Variants in CPQ observed in about 807,000 individuals in gnomAD.
CPQ encodes the protein carboxypeptidase Q.
CPQ carries 37 observed loss-of-function variants against 45.7 expected under a neutral mutation model. The ratio of observed to expected loss-of-function variants is 0.81; its 90% CI spans 0.62 to 1.07. The LOEUF (loss-of-function observed/expected upper bound fraction) is 1.07, where lower values mean the gene tolerates loss of function less well. CPQ is among the 50% of genes least tolerant of loss of function. CPQ has a pLI of 0.00. For missense variants in CPQ, 537 were observed against 572.9 expected (o/e 0.94, Z 0.64); for synonymous variants, 186 against 205.8 (o/e 0.90, Z 0.82).
In CPQ at chr8:96,740,411, G is replaced by A. The variant is rs572404102; in HGVS notation, c.-34-44453G>A. ...TATACAATCATGTCATCTGCAAACAGGGACAATTTGACTTCCTCTTTTCCT... is the reference window on the plus strand; with the variant it reads ...TATACAATCATGTCATCTGCAAACAAGGACAATTTGACTTCCTCTTTTCCT... On this transcript the variant is annotated intron_variant, in intron 1 of 7. Coordinates refer to ENST00000220763, the MANE Select transcript of CPQ (RefSeq NM_016134.4). Among the ~76,000 whole-genome samples the A allele has an allele frequency of 4.8e-3, 729 of 152,122 alleles. 5 individuals carry two copies. The highest frequency in any genetic ancestry group is 0.016 in the African/African-American group (676 of 41,470).
At chr8:96,805,562 A>G (rs1408576678) in intron 2 of CPQ, among the ~76,000 whole-genome samples, 2 of 152,106 alleles carry the variant, frequency 1.3e-5, no homozygotes, top group African/African-American at 4.8e-5. Flanking sequence ...GGAGTTCTTT[A>G]TTATTGGATA....
intron 3 of CPQ, among the ~76,000 whole-genome samples, chr8:96,879,460 G>A (rs76385088): frequency 0.047 from 7,129 of 152,238 alleles, 245 homozygotes; most frequent in Non-Finnish European, 0.076. Context: ...AAACTTCAGA[G>A]TTCCCTTGTC....
chr8:96,923,046 C>T (rs1393823838), intron 4 of CPQ, among the ~76,000 whole-genome samples: 1 of 152,166 alleles, frequency 6.6e-6, no homozygotes, highest in South Asian at 2.1e-4. Flanking sequence ...GACCCATCCC[C>T]TCAGTCCAGT....
chr8:96,843,426 A>G (rs1811643131), intron 3 of CPQ, among the ~76,000 whole-genome samples: 1 of 152,144 alleles, frequency 6.6e-6, no homozygotes, highest in Non-Finnish European at 1.5e-5. Flanking sequence ...GGAAGAAGAA[A>G]GAAGAGCTTG....
At chr8:97,025,630 AG>A (rs1263556351) in intron 5 of CPQ, among the ~76,000 whole-genome samples, 1 of 152,206 alleles carries the variant, frequency 6.6e-6, no homozygotes, top group Non-Finnish European at 1.5e-5. Flanking sequence ...ACTGGGGGCC[AG>A]GCTTACAGCA....
chr8:96,964,616 A>G (rs1173137370), intron 4 of CPQ, among the ~76,000 whole-genome samples: 1 of 150,664 alleles, frequency 6.6e-6, no homozygotes, highest in Non-Finnish European at 1.5e-5. Flanking sequence ...TTCCTAGTTT[A>G]AAAAAAAACA....
intron 6 of CPQ, among the ~76,000 whole-genome samples, chr8:97,038,127 G>C (rs77263994): frequency 0.019 from 2,896 of 152,204 alleles, 98 homozygotes; most frequent in African/African-American, 0.067. Flanking sequence ...TTGAGTGTTG[G>C]TTTTAGCCCA....
intron 1 of CPQ, among the ~76,000 whole-genome samples, chr8:96,662,798 G>C (rs941621194): frequency 1.3e-5 from 2 of 152,056 alleles, no homozygotes; most frequent in Non-Finnish European, 2.9e-5. Flanking sequence ...CACTAACCTG[G>C]GCAACATGGC....
At chr8:97,023,502 A>G (rs1165673268) in intron 5 of CPQ, among the ~76,000 whole-genome samples, 1 of 152,214 alleles carries the variant, frequency 6.6e-6, no homozygotes, top group East Asian at 1.9e-4. Context: ...TATAATAAGC[A>G]GAAGCAGAGG....
At chr8:97,070,440 C>T (rs1455698820) in intron 7 of CPQ, among the ~76,000 whole-genome samples, 1 of 152,060 alleles carries the variant, frequency 6.6e-6, no homozygotes, top group Non-Finnish European at 1.5e-5. Context: ...CCAGAGCTGT[C>T]GGTTTAATTT....
chr8:96,848,813 G>A (rs1182321644), intron 3 of CPQ, among the ~76,000 whole-genome samples: 1 of 152,128 alleles, frequency 6.6e-6, no homozygotes, highest in Non-Finnish European at 1.5e-5. Flanking sequence ...TTGCTGTCTA[G>A]ATCCTCGTTT....
At chr8:97,137,970 C>T (rs1032793730) in intron 7 of CPQ, among the ~76,000 whole-genome samples, 5 of 152,170 alleles carry the variant, frequency 3.3e-5, no homozygotes, top group Non-Finnish European at 7.4e-5. Flanking sequence ...CATCATCTGG[C>T]CCTGGTCCCT....
chr8:96,999,630 G>C (rs888077041), intron 5 of CPQ, among the ~76,000 whole-genome samples: 6 of 151,544 alleles, frequency 4.0e-5, no homozygotes, highest in Admixed American at 1.3e-4. Context: ...TTTCTTTATC[G>C]AGCCTAACAT....
chr8:96,799,914 C>A (rs1194611349), intron 2 of CPQ, among the ~76,000 whole-genome samples: 1 of 152,170 alleles, frequency 6.6e-6, no homozygotes, highest in African/African-American at 2.4e-5. Context: ...AGTATTTCCA[C>A]TTCCCTCTTG....
intron 1 of CPQ, among the ~76,000 whole-genome samples, chr8:96,678,757 G>GGTT (rs1809108786): frequency 5.1e-5 from 1 of 19,730 alleles, no homozygotes; most frequent in East Asian, 1.1e-3. Context: ...GATTATTTGG[G>GGTT]CTTTTTTTTT....
chr8:96,970,496 C>T (rs1339629320), intron 5 of CPQ, among the ~76,000 whole-genome samples: 2 of 152,022 alleles, frequency 1.3e-5, no homozygotes, highest in Non-Finnish European at 2.9e-5. Context: ...AGCTAAGTAC[C>T]TTGCCCAAGA....
chr8:96,852,443 T>C (rs920735828), intron 3 of CPQ, among the ~76,000 whole-genome samples: 1 of 152,178 alleles, frequency 6.6e-6, no homozygotes, highest in Non-Finnish European at 1.5e-5. Flanking sequence ...GAAGTGGTGC[T>C]TTTCCTTCCT....
chr8:96,743,660 GATGTCCTTTCTGTTTCTTAGTT>G (rs1306574128), intron 1 of CPQ, among the ~76,000 whole-genome samples: 2 of 152,152 alleles, frequency 1.3e-5, no homozygotes, highest in Non-Finnish European at 2.9e-5. Context: ...TTTTGGTGTG[GATGTCCTTTCTGTTTCTTAGTT>G]TTCTTTCTAA....
At chr8:96,750,453 G>A (rs1278311830) in intron 1 of CPQ, among the ~76,000 whole-genome samples, 2 of 152,030 alleles carry the variant, frequency 1.3e-5, no homozygotes, top group African/African-American at 2.4e-5. Flanking sequence ...TAATGACTGA[G>A]TGAATAGGCA....
Sources: gnomAD v4.1 joint callset for allele counts (sites outside exome capture counted in the v4.1 genomes callset) on GRCh38, gnomAD v4.1.1 for gene constraint, MANE v1.5 for transcripts, NCBI Gene and HGNC (gene_info 2026-07-23, HGNC 2026-07-21) for gene names.